KLHL7: variants seen among roughly 807,000 people sequenced by gnomAD.
The protein encoded by KLHL7 is kelch-like protein 7.
Under a neutral mutation model 67.4 loss-of-function variants are expected in KLHL7, and 44 were observed. The ratio of observed to expected loss-of-function variants is 0.65; its 90% CI spans 0.51 to 0.84. KLHL7 has a LOEUF of 0.84. Among genes scored for constraint, KLHL7 ranks in the 40% least tolerant of loss-of-function variants. KLHL7 has a pLI of 0.00. For missense variants in KLHL7, 362 were observed against 718.1 expected (o/e 0.50, Z 5.67); for synonymous variants, 252 against 243.3 (o/e 1.04, Z -0.33).
rs903458653 is a variant in KLHL7, at chr7:23,176,215, T to G, written c.*1917T>G. ...GGAAGCCAGCACTCCTAAATCAAGTTGTCAGCAGGGTTAGTTCCTTCTGGA... is the reference window on the plus strand; with the variant it reads ...GGAAGCCAGCACTCCTAAATCAAGTGGTCAGCAGGGTTAGTTCCTTCTGGA... On this transcript the variant is annotated 3_prime_UTR_variant, in exon 11 of 11. Transcript: ENST00000339077. The G allele has an allele frequency of 2.6e-5, 4 of 152,108 alleles. No homozygotes were observed. The highest frequency in any genetic ancestry group is 4.8e-5 in the African/African-American group (2 of 41,408). The allele number at this position is 152,108 out of a possible 1,614,324, so 9.4% of individuals were successfully genotyped here.
intron 4 of KLHL7, chr7:23,129,353 T>C: frequency 2.7e-6 from 1 of 364,450 alleles, no homozygotes; most frequent in Non-Finnish European, 5.5e-6. Context: ...TAGCCAAGGC[T>C]TTTCTTGACC....
chr7:23,146,625 C>T (rs1033596627), intron 6 of KLHL7, among the ~76,000 whole-genome samples: 8 of 150,934 alleles, frequency 5.3e-5, no homozygotes, highest in East Asian at 1.9e-4. Context: ...TCCTCTTGTG[C>T]ATTTATCACT....
At chr7:23,114,527 C>T (rs1783006040) in intron 1 of KLHL7, among the ~76,000 whole-genome samples, 1 of 152,294 alleles carries the variant, frequency 6.6e-6, no homozygotes, top group Non-Finnish European at 1.5e-5. Flanking sequence ...AACTCCAGCA[C>T]AAAGTAGCTG....
At chr7:23,124,892 AG>A (rs879769214) in intron 3 of KLHL7, 111 bp downstream of exon 3, 6 of 1,110,524 alleles carry the variant, frequency 5.4e-6, no homozygotes, top group Non-Finnish European at 8.1e-6. Context: ...AAAAACCGCA[AG>A]GATGGAAGAG....
Position 23,168,134 on chromosome 7 carries a change from G to A in KLHL7, c.1379+97G>A, listed in dbSNP as rs981426414. On this transcript the variant is annotated intron_variant, in intron 9 of 10. Transcript: ENST00000339077. ...CAGAGGAACCCAACAGAAGAATTTTGTCCTTGAGTGAAGAGTGTATATAAA... is the reference window on the plus strand; with the variant it reads ...CAGAGGAACCCAACAGAAGAATTTTATCCTTGAGTGAAGAGTGTATATAAA... The A allele has an allele frequency of 5.2e-6, 6 of 1,164,054 alleles. No individual in the cohort carries two copies. In the East Asian group the frequency reaches 9.9e-5, roughly 19 times the overall value. 72.1% of individuals were successfully genotyped at this position (1,164,054 alleles called of 1,614,324 possible).
At chr7:23,147,856 A>G (rs1583699665) in intron 6 of KLHL7, among the ~76,000 whole-genome samples, 1 of 152,174 alleles carries the variant, frequency 6.6e-6, no homozygotes, top group African/African-American at 2.4e-5. Flanking sequence ...GGGAGACTTT[A>G]CCTCTACCTG....
In KLHL7 at chr7:23,170,931, C is replaced by T. The variant is rs1355387212; in HGVS notation, c.1380-2017C>T. 4.2e-5 allele frequency among the ~76,000 whole-genome samples: 5 copies of T among 118,572 alleles called. 1 individual carries two copies. In the South Asian group the frequency reaches 9.9e-4, roughly 23 times the overall value. 77.8% of individuals were successfully genotyped at this position (118,572 alleles called of 152,430 possible). A position where few individuals can be genotyped will look rare whatever the true frequency, so the allele number is the denominator to read the frequency against. ...ACTTTTTTTTTTTTTTTTTGTGAGA[C>T]GGAGTCTCACTCTGTCACCATGCTG... On this transcript the variant is annotated intron_variant, in intron 9 of 10. Transcript: ENST00000339077.
chr7:23,129,962 A>T (rs1783733970), intron 4 of KLHL7: 1 of 152,468 alleles, frequency 6.6e-6, no homozygotes, highest in Non-Finnish European at 1.5e-5. Flanking sequence ...GAATGTATGC[A>T]TGTATAAGTT....
intron 1 of KLHL7, among the ~76,000 whole-genome samples, chr7:23,111,674 T>C (rs912412025): frequency 1.3e-5 from 2 of 151,780 alleles, no homozygotes; most frequent in African/African-American, 4.8e-5. Flanking sequence ...TACAAAAAAT[T>C]AGCCAGGCAT....
chr7:23,129,994 T>C (rs761423363), intron 4 of KLHL7, among the ~76,000 whole-genome samples: 15 of 152,192 alleles, frequency 9.9e-5, no homozygotes, highest in Non-Finnish European at 1.6e-4. Flanking sequence ...ATATTATTTC[T>C]ACAGATTTTA....
chr7:23,136,303 G>C lies in KLHL7; in HGVS notation c.443-4466G>C, dbSNP rs1246031862. 2.0e-5 allele frequency among the ~76,000 whole-genome samples: 3 copies of C among 152,292 alleles called. No individual in the cohort carries two copies. In the East Asian group the frequency reaches 5.8e-4, roughly 29 times the overall value. On this transcript the variant is annotated intron_variant, in intron 4 of 10. Coordinates refer to ENST00000339077, the MANE Select transcript of KLHL7 (RefSeq NM_001031710.3). ...ATCCCTTCTGAGAAAAGTATTAGAA[G>C]TACTGAAGCTAGCTAAGTGAGAGAG...
At chr7:23,132,711 T>A (rs903537868) in intron 4 of KLHL7, among the ~76,000 whole-genome samples, 1 of 152,210 alleles carries the variant, frequency 6.6e-6, no homozygotes, top group Non-Finnish European at 1.5e-5. Flanking sequence ...GCTCAAGAAA[T>A]CTTTGCCCAG....
chr7:23,169,222 G>A (rs1785086486), intron 9 of KLHL7, among the ~76,000 whole-genome samples: 1 of 151,980 alleles, frequency 6.6e-6, no homozygotes, highest in Non-Finnish European at 1.5e-5. Context: ...TTGTGCCACA[G>A]CACTCCGGCC....
chr7:23,128,935 C>A (rs934799683), intron 4 of KLHL7, among the ~76,000 whole-genome samples: 1 of 152,124 alleles, frequency 6.6e-6, no homozygotes, highest in African/African-American at 2.4e-5. Flanking sequence ...CTTCTTATGG[C>A]TGAATAATAT....
chr7:23,122,044 G>T (rs1448359848), intron 1 of KLHL7, among the ~76,000 whole-genome samples: 1 of 152,086 alleles, frequency 6.6e-6, no homozygotes, highest in Non-Finnish European at 1.5e-5. Flanking sequence ...GTACCATTTG[G>T]ATACAAAAGA....
At chr7:23,162,248 T>C (rs1583724349) in intron 7 of KLHL7, among the ~76,000 whole-genome samples, 1 of 152,234 alleles carries the variant, frequency 6.6e-6, no homozygotes, top group East Asian at 1.9e-4. Context: ...TCTAATTATG[T>C]GACCTTTGGT....
At chr7:23,152,875 C>A (rs181571158) in intron 7 of KLHL7, among the ~76,000 whole-genome samples, 1 of 152,298 alleles carries the variant, frequency 6.6e-6, no homozygotes, top group Non-Finnish European at 1.5e-5. Flanking sequence ...CCATATTTTT[C>A]TGGTACTACA....
At chr7:23,120,526 T>G (rs570950244) in intron 1 of KLHL7, among the ~76,000 whole-genome samples, 1 of 152,334 alleles carries the variant, frequency 6.6e-6, no homozygotes, top group African/African-American at 2.4e-5. Context: ...TTATTTCTCT[T>G]TGTTGGGAAC....
chr7:23,165,488 A>G (rs1784976417), intron 7 of KLHL7, among the ~76,000 whole-genome samples: 1 of 152,234 alleles, frequency 6.6e-6, no homozygotes, highest in Non-Finnish European at 1.5e-5. Flanking sequence ...CAAAGCAGTC[A>G]TGTGCCTGCC....
Sources: gnomAD v4.1 joint callset for allele counts (sites outside exome capture counted in the v4.1 genomes callset) on GRCh38, gnomAD v4.1.1 for gene constraint, MANE v1.5 for transcripts, NCBI Gene and HGNC (gene_info 2026-07-23, HGNC 2026-07-21) for gene names.